Variants in NKAIN3 observed in about 807,000 individuals in gnomAD.
NKAIN3 encodes the protein sodium/potassium-transporting ATPase subunit beta-1-interacting protein 3.
NKAIN3 carries 25 observed loss-of-function variants against 30.2 expected under a neutral mutation model. That is an observed-to-expected ratio of 0.83 (90% CI 0.60 to 1.16). NKAIN3 has a LOEUF of 1.16. NKAIN3 is among the 50% of genes most tolerant of loss of function. NKAIN3 has a pLI of 0.00. For synonymous variants in NKAIN3, 91 were observed against 89.6 expected (o/e 1.02, Z -0.09); for missense variants, 225 against 254.1 (o/e 0.89, Z 0.78).
rs188692486 is a variant in NKAIN3, at chr8:62,644,306, C to G, written c.273+54512C>G. Among the ~76,000 whole-genome samples, 25 of 152,210 alleles carry G rather than the reference C, an allele frequency of 1.6e-4. 1 individual carries two copies. The highest frequency in any genetic ancestry group is 3.4e-3 in the Middle Eastern group (1 of 294). ...GATTATTCTCTTTGCAAACAAAGGT[C>G]TCCTCAAAATATCCTGACTTCAGTG... On this transcript the variant is annotated intron_variant, in intron 3 of 6. Transcript: ENST00000623646.
At chr8:62,904,370 A>G (rs1317965692) in intron 4 of NKAIN3, among the ~76,000 whole-genome samples, 2 of 152,230 alleles carry the variant, frequency 1.3e-5, no homozygotes, top group Non-Finnish European at 2.9e-5. Flanking sequence ...AAAATCAACC[A>G]AAGTTAACCC....
At chr8:62,574,778 T>C (rs1356834696) in intron 1 of NKAIN3, among the ~76,000 whole-genome samples, 1 of 152,166 alleles carries the variant, frequency 6.6e-6, no homozygotes, top group Non-Finnish European at 1.5e-5. Flanking sequence ...AGTTTTGGTT[T>C]GCATTTCTCT....
intron 4 of NKAIN3, among the ~76,000 whole-genome samples, chr8:62,772,224 GT>G (rs1264948067): frequency 1.3e-5 from 2 of 152,132 alleles, no homozygotes; most frequent in Non-Finnish European, 2.9e-5. Context: ...CATCTATGTT[GT>G]TGCAAATGAC....
chr8:62,870,245 GATATCTATATATAT>G (rs1820568952), intron 4 of NKAIN3, among the ~76,000 whole-genome samples: 2 of 104,722 alleles, frequency 1.9e-5, no homozygotes, highest in African/African-American at 9.3e-5. Context: ...GATATCTATA[GATATCTATATATAT>G]ATCTATATAT....
chr8:62,963,286 A>G (rs1390591147), intron 6 of NKAIN3, among the ~76,000 whole-genome samples: 9 of 152,158 alleles, frequency 5.9e-5, no homozygotes, highest in Admixed American at 5.9e-4. Flanking sequence ...GAGTTGCCTC[A>G]CTGTCTTCTG....
At chr8:62,819,992 AG>A in intron 4 of NKAIN3, among the ~76,000 whole-genome samples, 1 of 152,258 alleles carries the variant, frequency 6.6e-6, no homozygotes, top group Non-Finnish European at 1.5e-5. Flanking sequence ...TTTAACAAAA[AG>A]CTTATGTTAG....
At chr8:62,670,699 C>G (rs1485924316) in intron 3 of NKAIN3, among the ~76,000 whole-genome samples, 2 of 152,046 alleles carry the variant, frequency 1.3e-5, no homozygotes, top group African/African-American at 4.8e-5. Flanking sequence ...CAGGTTCTTT[C>G]CTTCCTGAGT....
chr8:62,668,836 A>G (rs1157231747), intron 3 of NKAIN3, among the ~76,000 whole-genome samples: 1 of 152,356 alleles, frequency 6.6e-6, no homozygotes, highest in East Asian at 1.9e-4. Flanking sequence ...AATAGTCATT[A>G]TAACTAATTG....
chr8:62,721,875 C>A (rs1402298808), intron 3 of NKAIN3, among the ~76,000 whole-genome samples: 1 of 152,140 alleles, frequency 6.6e-6, no homozygotes, highest in East Asian at 1.9e-4. Context: ...AAACATGTAG[C>A]CATAATAATC....
At chr8:62,759,960 G>A (rs1816591379) in intron 4 of NKAIN3, among the ~76,000 whole-genome samples, 1 of 152,142 alleles carries the variant, frequency 6.6e-6, no homozygotes, top group Admixed American at 6.5e-5. Context: ...CAACAAGTGG[G>A]TGAAGGATAT....
intron 1 of NKAIN3, among the ~76,000 whole-genome samples, chr8:62,278,053 T>A (rs1813024485): frequency 6.6e-6 from 1 of 152,132 alleles, no homozygotes; most frequent in Non-Finnish European, 1.5e-5. Context: ...AAGAGAAAGC[T>A]ACATAGAGAG....
At chr8:62,351,112 T>G (rs1816165485) in intron 1 of NKAIN3, among the ~76,000 whole-genome samples, 1 of 148,884 alleles carries the variant, frequency 6.7e-6, no homozygotes, top group Admixed American at 6.7e-5. Flanking sequence ...ATATAATATA[T>G]ATTAACATAT....
intron 3 of NKAIN3, among the ~76,000 whole-genome samples, chr8:62,606,371 TA>T (rs1457122252): frequency 6.6e-6 from 1 of 152,116 alleles, no homozygotes; most frequent in Non-Finnish European, 1.5e-5. Flanking sequence ...TTCCTAAGCA[TA>T]AATAGACAAA....
intron 1 of NKAIN3, among the ~76,000 whole-genome samples, chr8:62,260,368 T>C (rs1024138670): frequency 1.3e-5 from 2 of 152,184 alleles, no homozygotes; most frequent in East Asian, 1.9e-4. Context: ...ATGGGATATA[T>C]AAATTGTTGT....
intron 1 of NKAIN3, among the ~76,000 whole-genome samples, chr8:62,506,376 A>C (rs1237190087): frequency 1.3e-5 from 2 of 151,900 alleles, no homozygotes; most frequent in Non-Finnish European, 2.9e-5. Context: ...AGCAACAAAG[A>C]TTACATTTCC....
At chr8:62,332,331 G>A (rs945514204) in intron 1 of NKAIN3, among the ~76,000 whole-genome samples, 1 of 151,954 alleles carries the variant, frequency 6.6e-6, no homozygotes, top group African/African-American at 2.4e-5. Flanking sequence ...GGTATATTCT[G>A]TACTTATATT....
At chr8:62,577,309 T>C (rs1398664291) in intron 1 of NKAIN3, among the ~76,000 whole-genome samples, 1 of 152,020 alleles carries the variant, frequency 6.6e-6, no homozygotes, top group Non-Finnish European at 1.5e-5. Flanking sequence ...TAATTTGGCT[T>C]CCCTTTCATT....
chr8:62,508,498 C>T (rs1345455527), intron 1 of NKAIN3, among the ~76,000 whole-genome samples: 1 of 152,128 alleles, frequency 6.6e-6, no homozygotes, highest in Non-Finnish European at 1.5e-5. Context: ...TCTGTGACAA[C>T]CCTCGGAGCC....
chr8:62,779,624 A>G (rs1373210214), intron 4 of NKAIN3, among the ~76,000 whole-genome samples: 2 of 152,200 alleles, frequency 1.3e-5, no homozygotes, highest in Non-Finnish European at 2.9e-5. Flanking sequence ...CCTAACAGAC[A>G]TTTACAGAAT....
Sources: allele counts gnomAD v4.1 joint callset (sites outside exome capture counted in the v4.1 genomes callset), GRCh38; gene constraint gnomAD v4.1.1; transcripts MANE v1.5; gene names NCBI Gene and HGNC (gene_info 2026-07-23, HGNC 2026-07-21).